The following KCNH7 variants were observed in gnomAD, a reference collection of about 807,000 sequenced individuals.
The protein encoded by KCNH7 is potassium voltage-gated channel subfamily H member 7.
KCNH7 carries 49 observed loss-of-function variants against 120.8 expected under a neutral mutation model. The observed-to-expected ratio is 0.41, with a 90% CI of 0.32 to 0.51. The LOEUF is 0.51. KCNH7 is among the 20% of genes least tolerant of loss of function. The pLI is 0.38. For missense variants in KCNH7, 1,097 were observed against 1,446.6 expected (o/e 0.76, Z 3.92); for synonymous variants, 547 against 516.1 (o/e 1.06, Z -0.81).
At chr2:162,492,343 T>G (rs1455625817) in intron 6 of KCNH7, among the ~76,000 whole-genome samples, 1 of 152,194 alleles carries the variant, frequency 6.6e-6, no homozygotes, top group Non-Finnish European at 1.5e-5. Flanking sequence ...GTAACAAACT[T>G]TGCTGCAAGT....
At chr2:162,674,517 G>C (rs954312519) in intron 2 of KCNH7, among the ~76,000 whole-genome samples, 1 of 151,536 alleles carries the variant, frequency 6.6e-6, no homozygotes, top group Non-Finnish European at 1.5e-5. Flanking sequence ...TTATAGAAAT[G>C]AAAAAGCCTA....
intron 6 of KCNH7, among the ~76,000 whole-genome samples, chr2:162,482,095 G>T (rs951860341): frequency 6.6e-6 from 1 of 152,060 alleles, no homozygotes; most frequent in East Asian, 1.9e-4. Flanking sequence ...GAAATAAATT[G>T]TTTAGTTGTG....
At position 162,467,120 on chromosome 2, in the gene KCNH7, A is replaced by G. The variant is rs1441249032; in HGVS notation, c.1129-20677T>C. ...AAAACCATACAGCCTGAAGGATTTC[A>G]CACTGTCTGAGGCTTAGAAAGCTGT... On this transcript the variant is annotated intron_variant, in intron 6 of 15. Coordinates refer to ENST00000332142, the MANE Select transcript of KCNH7 (RefSeq NM_033272.4). 6.6e-5 allele frequency among the ~76,000 whole-genome samples: 10 copies of G among 152,200 alleles called. 1 individual carries two copies. Among genetic ancestry groups the G allele is most frequent in the African/African-American group, 2.4e-4 (10 of 41,456 alleles).
intron 6 of KCNH7, among the ~76,000 whole-genome samples, chr2:162,489,588 T>A (rs1690222973): frequency 6.6e-6 from 1 of 152,194 alleles, no homozygotes; most frequent in Non-Finnish European, 1.5e-5. Flanking sequence ...TCAAAGGCCC[T>A]TGAAGACAAT....
intron 2 of KCNH7, among the ~76,000 whole-genome samples, chr2:162,825,307 T>C (rs1685244059): frequency 6.6e-6 from 1 of 151,946 alleles, no homozygotes; most frequent in Non-Finnish European, 1.5e-5. Flanking sequence ...GAAAATAAAT[T>C]GCCTCAAATA....
At chr2:162,408,910 CAAT>C (rs1446221922) in intron 9 of KCNH7, among the ~76,000 whole-genome samples, 3 of 151,476 alleles carry the variant, frequency 2.0e-5, no homozygotes, top group Admixed American at 6.6e-5. Flanking sequence ...ATTTAGAAAA[CAAT>C]AAAAATGATA....
At chr2:162,452,508 T>G (rs1009383138) in intron 6 of KCNH7, among the ~76,000 whole-genome samples, 1 of 152,088 alleles carries the variant, frequency 6.6e-6, no homozygotes, top group African/African-American at 2.4e-5. Context: ...CCATACAGAC[T>G]GGACACAACC....
At chr2:162,535,957 G>A (rs1255733740) in intron 3 of KCNH7, among the ~76,000 whole-genome samples, 2 of 151,698 alleles carry the variant, frequency 1.3e-5, no homozygotes. Context: ...CAATGAGTGA[G>A]CCATTGAGAA....
chr2:162,748,602 T>C (rs1688397118), intron 2 of KCNH7, among the ~76,000 whole-genome samples: 2 of 152,160 alleles, frequency 1.3e-5, no homozygotes, highest in South Asian at 4.1e-4. Flanking sequence ...CAGACATTCT[T>C]TTCCTTCCTT....
chr2:162,805,447 G>A (rs1684504891), intron 2 of KCNH7, among the ~76,000 whole-genome samples: 3 of 152,028 alleles, frequency 2.0e-5, no homozygotes, highest in Admixed American at 2.0e-4. Flanking sequence ...TTTCTCAAAA[G>A]AGGATATACA....
intron 3 of KCNH7, among the ~76,000 whole-genome samples, chr2:162,527,147 T>G (rs1008512709): frequency 2.0e-5 from 3 of 151,888 alleles, no homozygotes; most frequent in African/African-American, 7.2e-5. Context: ...GACATAAAAT[T>G]TTTTGCAACT....
At chr2:162,548,556 A>G (rs1321708233) in intron 2 of KCNH7, among the ~76,000 whole-genome samples, 1 of 151,984 alleles carries the variant, frequency 6.6e-6, no homozygotes, top group Non-Finnish European at 1.5e-5. Flanking sequence ...ACAGAGAAGG[A>G]TGAAGGATGA....
chr2:162,497,229 TG>T (rs1204677388), intron 6 of KCNH7, among the ~76,000 whole-genome samples: 2 of 152,162 alleles, frequency 1.3e-5, no homozygotes, highest in Admixed American at 6.6e-5. Flanking sequence ...GAAGAGATAA[TG>T]AACCTGTTCA....
intron 2 of KCNH7, among the ~76,000 whole-genome samples, chr2:162,743,829 A>T (rs1688221665): frequency 6.6e-6 from 1 of 152,180 alleles, no homozygotes; most frequent in Admixed American, 6.5e-5. Flanking sequence ...AAGAATTATG[A>T]CACATTATCA....
chr2:162,482,384 G>T (rs1219983962), intron 6 of KCNH7, among the ~76,000 whole-genome samples: 1 of 152,112 alleles, frequency 6.6e-6, no homozygotes, highest in Non-Finnish European at 1.5e-5. Context: ...AGGGAAAGTA[G>T]TGAAAGAGCA....
intron 6 of KCNH7, among the ~76,000 whole-genome samples, chr2:162,449,510 A>G (rs1395671142): frequency 6.6e-6 from 1 of 152,076 alleles, no homozygotes; most frequent in African/African-American, 2.4e-5. Flanking sequence ...AATCAAGTTA[A>G]GATGAGGTCA....
intron 2 of KCNH7, among the ~76,000 whole-genome samples, chr2:162,655,252 C>T (rs1349768425): frequency 6.8e-6 from 1 of 146,488 alleles, no homozygotes. Context: ...TAATTTTATA[C>T]ACACATGCAT....
chr2:162,823,791 G>A (rs1685195504), intron 2 of KCNH7, among the ~76,000 whole-genome samples: 1 of 151,988 alleles, frequency 6.6e-6, no homozygotes. Context: ...AAAAGAGCAG[G>A]CTTCATCTTC....
rs79162616 is a variant in KCNH7 at position 162,471,247 on chromosome 2, T to TAA, written c.1129-24806_1129-24805dup. Among the ~76,000 whole-genome samples the TAA allele has an allele frequency of 8.5e-3, 1,126 of 132,104 alleles. 21 individuals are homozygous for TAA. The highest frequency in any genetic ancestry group is 0.029 in the African/African-American group (1,071 of 36,950). 86.7% of individuals were successfully genotyped at this position (132,104 alleles called of 152,430 possible). On this transcript the variant is annotated intron_variant, in intron 6 of 15. Transcript: ENST00000332142. ...AAACACCCAAGAATGATCAATAAAT[T>TAA]AAAAAAAAAAAAAAAAAGGTAGATT...
Sources: allele counts gnomAD v4.1 joint callset (sites outside exome capture counted in the v4.1 genomes callset), GRCh38; gene constraint gnomAD v4.1.1; transcripts MANE v1.5; gene names NCBI Gene and HGNC (gene_info 2026-07-23, HGNC 2026-07-21).